CCDC88A: variants seen among roughly 807,000 people sequenced by gnomAD.
CCDC88A encodes coiled-coil and HOOK domain protein 88A.
CCDC88A carries 54 observed loss-of-function variants against 234.3 expected under a neutral mutation model. That is an observed-to-expected ratio of 0.23 (90% CI 0.19 to 0.29). The LOEUF is 0.29. Ranked by LOEUF, CCDC88A falls within the 10% of genes least tolerant of loss-of-function variation. The pLI is 1.00. For missense variants in CCDC88A, 1,832 were observed against 2,123.4 expected, an observed-to-expected ratio of 0.86 and a Z score of 2.70; for synonymous variants, 753 against 737.8, an observed-to-expected ratio of 1.02 and a Z score of -0.33.
At chr2:55,316,730 ATCTC>A (rs910614403) in intron 21 of CCDC88A, 2 of 151,674 alleles carry the variant, frequency 1.3e-5, no homozygotes, top group Non-Finnish European at 2.9e-5. Flanking sequence ...GTAAGATCCT[ATCTC>A]TCTCTCTCTT....
At chr2:55,411,345 T>A (rs536952553) in intron 2 of CCDC88A, among the ~76,000 whole-genome samples, 1 of 152,272 alleles carries the variant, frequency 6.6e-6, no homozygotes, top group South Asian at 2.1e-4. Context: ...CTCTCAGGTA[T>A]AACAACTAGT....
At chr2:55,316,526 G>A (rs1169844193) in intron 21 of CCDC88A, among the ~76,000 whole-genome samples, 2 of 151,944 alleles carry the variant, frequency 1.3e-5, no homozygotes, top group African/African-American at 2.4e-5. Flanking sequence ...GAGCAACCGT[G>A]GGGATCACAG....
At position 55,333,563 on chromosome 2, in the gene CCDC88A, T is replaced by C. The variant is rs527783662; in HGVS notation, c.2727+531A>G. Among the ~76,000 whole-genome samples, 7 of 152,288 alleles carry C rather than the reference T, an allele frequency of 4.6e-5. No individual in the cohort carries two copies. The East Asian group carries it at 1.2e-3, about 25-fold the overall frequency. On this transcript the variant is annotated intron_variant, in intron 15 of 32. Coordinates refer to ENST00000436346, the MANE Select transcript of CCDC88A (RefSeq NM_001365480.1). Reference sequence around the variant, plus strand: ...ACTCTGCTATTTATTAGCTGTGTGATCCTAATTTATTTAATGTTTCTGAAC... The same window carrying C: ...ACTCTGCTATTTATTAGCTGTGTGACCCTAATTTATTTAATGTTTCTGAAC...
intron 29 of CCDC88A, 38 bp from the exon 30 acceptor site, chr2:55,296,561 G>A: frequency 1.9e-6 from 3 of 1,583,180 alleles, no homozygotes; most frequent in Non-Finnish European, 2.6e-6. Flanking sequence ...TTCAATAATA[G>A]AATTGAGATT....
At chr2:55,301,624 G>C (rs192821630) in intron 27 of CCDC88A, 180 of 557,398 alleles carry the variant, frequency 3.2e-4, no homozygotes, top group Admixed American at 2.0e-3. Flanking sequence ...TCTTTACCTG[G>C]TTTACTTCTC....
At chr2:55,372,641 G>C (rs957092562) in intron 4 of CCDC88A, 131 bp from the exon 5 acceptor site, 2 of 499,330 alleles carry the variant, frequency 4.0e-6, no homozygotes, top group Non-Finnish European at 3.6e-6. Flanking sequence ...ATATGTAGTG[G>C]AGCATTCAAA....
chr2:55,374,902 C>A lies in CCDC88A; in HGVS notation c.274-19G>T. On this transcript the variant is annotated intron_variant, in intron 3 of 32. Transcript: ENST00000436346. ...AAGTCTCCTGTAAAAAAATATCCAA[C>A]ACTTGTTATATGGGTAATGCTAACT... 2.0e-6 allele frequency: 3 copies of A among 1,520,188 alleles called. No individual in the cohort carries two copies. Among genetic ancestry groups the A allele is most frequent in the Non-Finnish European group, 2.7e-6 (3 of 1,096,612 alleles). 94.2% of individuals were successfully genotyped at this position (1,520,188 alleles called of 1,614,324 possible). A position where few individuals can be genotyped will look rare whatever the true frequency, so the allele number is the denominator to read the frequency against.
intron 2 of CCDC88A, among the ~76,000 whole-genome samples, chr2:55,412,203 C>T (rs116680426): frequency 0.012 from 1,785 of 152,202 alleles, 22 homozygotes; most frequent in Middle Eastern, 0.02. Flanking sequence ...ATATGTGAGA[C>T]AAAACATCTA....
chr2:55,370,096 A>G (rs1334189935), intron 5 of CCDC88A, among the ~76,000 whole-genome samples: 64 of 152,168 alleles, frequency 4.2e-4, no homozygotes, highest in Non-Finnish European at 1.5e-5. Flanking sequence ...TGGCACCACA[A>G]TAGATGCAAG....
chr2:55,356,701 G>A (rs1052695893), intron 7 of CCDC88A: 1 of 152,084 alleles, frequency 6.6e-6, no homozygotes, highest in African/African-American at 2.4e-5. Flanking sequence ...AGGCCGAGGA[G>A]GGCAGATCAT....
At chr2:55,373,948 C>T (rs969758598) in intron 4 of CCDC88A, among the ~76,000 whole-genome samples, 1 of 152,156 alleles carries the variant, frequency 6.6e-6, no homozygotes, top group African/African-American at 2.4e-5. Context: ...ATTTCCTCAA[C>T]TGTTCAAAAA....
At chr2:55,391,294 C>G (rs1428026631) in intron 2 of CCDC88A, among the ~76,000 whole-genome samples, 2 of 152,138 alleles carry the variant, frequency 1.3e-5, no homozygotes, top group African/African-American at 4.8e-5. Context: ...ATGCTGATTG[C>G]AAGTAACTTG....
At chr2:55,389,880 A>C (rs1039920914) in intron 2 of CCDC88A, among the ~76,000 whole-genome samples, 3 of 151,738 alleles carry the variant, frequency 2.0e-5, no homozygotes, top group African/African-American at 7.3e-5. Flanking sequence ...ATCTGTATTA[A>C]AAATACAAAA....
At position 55,335,025 on chromosome 2, in the gene CCDC88A, G is replaced by A; in HGVS notation, c.1796C>T (p.Thr599Ile). The change falls in exon 15 of 33, where the codon ACA becomes ATA. Residue 599 changes from threonine (T) to isoleucine (I), a missense_variant. By Grantham distance (89) the Thr-to-Ile change is moderately conservative (BLOSUM62 -1). Around this residue, in one of 6 missense-constraint regions of CCDC88A, gnomAD observed 1,282 missense variants for 1,543.6 expected, o/e 0.83. Coordinates refer to ENST00000436346, the MANE Select transcript of CCDC88A (RefSeq NM_001365480.1). The surrounding 1 kb of genome is among the most constrained non-coding windows in gnomAD (Gnocchi z 4.5). ...TTCAATCTTGCTTAGCTTGCTACTT[G>A]TTTCTTTGATAGATTCATGAAGAAT... ...NKILHESIKE[T>I]SSKLSKIEFE... 2 of 1,609,258 alleles carry A rather than the reference G, an allele frequency of 1.2e-6. No homozygotes were observed. The highest frequency in any genetic ancestry group is 1.7e-6 in the Non-Finnish European group (2 of 1,177,216).
intron 2 of CCDC88A, among the ~76,000 whole-genome samples, chr2:55,390,302 C>A (rs186081688): frequency 1.1e-4 from 17 of 152,226 alleles, no homozygotes; most frequent in Admixed American, 4.6e-4. Context: ...CACCCTCACA[C>A]GTAGTTAGAA....
At chr2:55,353,014 G>C (rs961760975) in intron 8 of CCDC88A, among the ~76,000 whole-genome samples, 1 of 152,088 alleles carries the variant, frequency 6.6e-6, no homozygotes, top group African/African-American at 2.4e-5. Flanking sequence ...CATTTTCAAA[G>C]GGCAATGAAG....
At chr2:55,392,211 C>T (rs1214670449) in intron 2 of CCDC88A, among the ~76,000 whole-genome samples, 1 of 152,200 alleles carries the variant, frequency 6.6e-6, no homozygotes, top group Non-Finnish European at 1.5e-5. Context: ...ATTCCCATGT[C>T]AACAGCACCA....
chr2:55,342,711 A>G (rs972785536), intron 12 of CCDC88A, among the ~76,000 whole-genome samples: 19 of 152,178 alleles, frequency 1.2e-4, no homozygotes, highest in African/African-American at 3.9e-4. Context: ...TTTCAAGTAT[A>G]AAACAGGAAG....
intron 3 of CCDC88A, among the ~76,000 whole-genome samples, chr2:55,387,779 C>CAAAAAA (rs66479611): frequency 0.013 from 780 of 60,314 alleles, no homozygotes; most frequent in Middle Eastern, 0.02. Context: ...GGCTCCATCT[C>CAAAAAA]AAAAAAAAAA....
Sources: allele counts gnomAD v4.1 joint callset (sites outside exome capture counted in the v4.1 genomes callset), GRCh38; gene constraint gnomAD v4.1.1; regional missense constraint gnomAD v4.1.1; non-coding constraint Gnocchi (gnomAD v3.1); transcripts MANE v1.5; gene names NCBI Gene and HGNC (gene_info 2026-07-23, HGNC 2026-07-21).